SUPV3L1: variants seen among roughly 807,000 people sequenced by gnomAD.
The protein encoded by SUPV3L1 is Suv3 like RNA helicase, also known as ATP-dependent RNA helicase SUPV3L1, mitochondrial.
SUPV3L1 carries 35 observed loss-of-function variants against 70.0 expected under a neutral mutation model. The ratio of observed to expected loss-of-function variants is 0.50; its 90% CI spans 0.38 to 0.66. The LOEUF is 0.66. SUPV3L1 is among the 30% of genes least tolerant of loss of function. The pLI is 0.00. For missense variants in SUPV3L1, 777 were observed against 961.5 expected (o/e 0.81, Z 2.54); for synonymous variants, 364 against 341.9 (o/e 1.06, Z -0.71).
intron 11 of SUPV3L1, among the ~76,000 whole-genome samples, chr10:69,201,968 G>A (rs1302585992): frequency 1.3e-5 from 2 of 151,872 alleles, no homozygotes; most frequent in East Asian, 1.9e-4. Context: ...AGCCTCCCGA[G>A]TAGCTGGGAT....
intron 13 of SUPV3L1, 93 bp from the exon 14 acceptor site, chr10:69,207,700 G>A: frequency 7.0e-7 from 1 of 1,419,022 alleles, no homozygotes; most frequent in Non-Finnish European, 9.4e-7. Context: ...CAACCACAAT[G>A]TTTTGTTTTG....
intron 6 of SUPV3L1, chr10:69,192,553 A>G (rs181694013): frequency 4.6e-5 from 7 of 152,378 alleles, no homozygotes; most frequent in Admixed American, 1.3e-4. Flanking sequence ...TGAAGTATCT[A>G]TAGCTACATA....
intron 13 of SUPV3L1, 65 bp from the exon 14 acceptor site, chr10:69,207,724 CTCTT>C (rs1488474176): frequency 3.3e-6 from 5 of 1,497,688 alleles, no homozygotes; most frequent in Admixed American, 2.6e-5. Flanking sequence ...TCTTTTTTTT[CTCTT>C]TCTAATTATA....
chr10:69,196,305 A>G (rs1376181425), intron 7 of SUPV3L1, among the ~76,000 whole-genome samples: 1 of 152,184 alleles, frequency 6.6e-6, no homozygotes, highest in Non-Finnish European at 1.5e-5. Context: ...CAGCTTGGCC[A>G]ACATGGCGAA....
At chr10:69,190,440 T>C (rs1274239295) in intron 5 of SUPV3L1, among the ~76,000 whole-genome samples, 4 of 149,068 alleles carry the variant, frequency 2.7e-5, no homozygotes, top group African/African-American at 9.7e-5. Flanking sequence ...TTTTTTTTTT[T>C]CTGAACAGTT....
rs553468452 is a variant in SUPV3L1 at position 69,197,069 on chromosome 10, G to T, written c.1009G>T (p.Gly337Trp). Residue 337 changes from glycine to tryptophan, a missense_variant, in exon 8 of 15, where the codon GGG (glycine) becomes TGG (tryptophan). This residue lies in a region of SUPV3L1 where 619 missense variants were observed against 823.3 expected (regional missense o/e 0.75). Transcript: ENST00000359655. ...DLVMELMYTT[G>W]EEVEVRDYKR... Reference sequence around the variant, plus strand: ...GGTGATGGAGCTTATGTACACAACGGGGGAGGAAGTGGAGGTATTCGATTA... The same window carrying T: ...GGTGATGGAGCTTATGTACACAACGTGGGAGGAAGTGGAGGTATTCGATTA... 6.2e-7 allele frequency: 1 copy of T among 1,614,114 alleles called. No individual in the cohort carries two copies. Among genetic ancestry groups the T allele is most frequent in the East Asian group, 2.2e-5 (1 of 44,880 alleles).
intron 1 of SUPV3L1, 68 bp downstream of exon 1, chr10:69,180,630 GCT>G: frequency 6.3e-7 from 1 of 1,576,100 alleles, no homozygotes; most frequent in Admixed American, 1.8e-5. Context: ...TTGGGAGGAA[GCT>G]ACATCCCCTT....
At chr10:69,182,423 T>G (rs563656299) in intron 1 of SUPV3L1, 12 of 730,154 alleles carry the variant, frequency 1.6e-5, no homozygotes, top group Non-Finnish European at 2.0e-5. Flanking sequence ...AAAGAACAAT[T>G]TTCCATTATT....
chr10:69,198,586 A>C, intron 9 of SUPV3L1, 34 bp downstream of exon 9: 1 of 1,595,966 alleles, frequency 6.3e-7, no homozygotes, highest in Non-Finnish European at 8.6e-7. Flanking sequence ...CAAGATATGA[A>C]ATCTCCTATC....
intron 11 of SUPV3L1, 140 bp from the exon 12 acceptor site, chr10:69,202,299 T>C (rs1247015012): frequency 3.4e-6 from 2 of 584,024 alleles, no homozygotes. Flanking sequence ...ATTTTTTCTC[T>C]TTTACTCAAA....
At chr10:69,203,538 C>T (rs1204278255) in intron 13 of SUPV3L1, among the ~76,000 whole-genome samples, 2 of 151,484 alleles carry the variant, frequency 1.3e-5, no homozygotes, top group African/African-American at 2.4e-5. Flanking sequence ...GTGGTGGGCA[C>T]CTGTAATCCC....
intron 1 of SUPV3L1, 108 bp from the exon 2 acceptor site, chr10:69,185,879 A>G (rs1842211977): frequency 1.2e-5 from 10 of 800,154 alleles, no homozygotes; most frequent in Non-Finnish European, 2.2e-5. Flanking sequence ...AGTTCTTGCA[A>G]CACTCATTAG....
chr10:69,183,810 C>T (rs959622027), intron 1 of SUPV3L1, among the ~76,000 whole-genome samples: 1 of 151,566 alleles, frequency 6.6e-6, no homozygotes, highest in African/African-American at 2.4e-5. Flanking sequence ...CATTTTAGAA[C>T]ATTTTTATCA....
At chr10:69,207,235 A>G (rs1254688591) in intron 13 of SUPV3L1, among the ~76,000 whole-genome samples, 8 of 152,028 alleles carry the variant, frequency 5.3e-5, no homozygotes, top group Non-Finnish European at 2.9e-5. Context: ...TGGAGCAGGG[A>G]TACCCTATAG....
At position 69,180,629 on chromosome 10, in the gene SUPV3L1, A is replaced by G. The variant is rs1233673184; in HGVS notation, c.271+67A>G. The G allele has an allele frequency of 1.6e-5, 26 of 1,579,774 alleles. No homozygotes were observed. In the Admixed American group the frequency reaches 4.0e-4, roughly 24 times the overall value. On this transcript the variant is annotated intron_variant, in intron 1 of 14. Transcript: ENST00000359655. ...GCTGGGCCGAGGCTGGTTGGGAGGA[A>G]GCTACATCCCCTTCCCCTGGGGATC...
rs1358755524 is a variant in SUPV3L1 at position 69,208,748 on chromosome 10, C to T, written c.2074C>T (p.Pro692Ser). The T allele has an allele frequency of 6.2e-7, 1 of 1,614,040 alleles. No homozygotes were observed. Among genetic ancestry groups the T allele is most frequent in the Non-Finnish European group, 8.5e-7 (1 of 1,180,044 alleles). The stretch of plus-strand genomic sequence containing the variant: ...TAAGCTGTTGAATTTGGAGGGCTTT[C>T]CATCAGGGAGCCAGTCACGATTGTC... ...THKLLNLEGFPSGSQSRLSGT... is the reference protein window; with the variant it reads ...THKLLNLEGFSSGSQSRLSGT... Residue 692 changes from proline (P) to serine (S), a missense_variant, in exon 15 of 15, where the codon CCA (proline) becomes TCA (serine). Around this residue, in one of 2 missense-constraint regions of SUPV3L1, gnomAD observed 619 missense variants for 823.3 expected, o/e 0.75. Coordinates refer to ENST00000359655, the MANE Select transcript of SUPV3L1 (RefSeq NM_003171.5).
intron 13 of SUPV3L1, among the ~76,000 whole-genome samples, chr10:69,205,705 T>C (rs1220088775): frequency 1.3e-5 from 2 of 152,148 alleles, no homozygotes; most frequent in East Asian, 3.9e-4. Context: ...GGCTAATTTT[T>C]TGTATTTTTA....
At chr10:69,197,961 G>A (rs376285126) in intron 8 of SUPV3L1, among the ~76,000 whole-genome samples, 187 of 152,284 alleles carry the variant, frequency 1.2e-3, no homozygotes, top group Middle Eastern at 0.01. Flanking sequence ...TCTGTGTTTT[G>A]CCATTCTTAG....
At chr10:69,201,495 A>T (rs527774695) in intron 11 of SUPV3L1, among the ~76,000 whole-genome samples, 206 of 149,698 alleles carry the variant, frequency 1.4e-3, no homozygotes, top group Middle Eastern at 7.0e-3. Context: ...GAGAAATGAG[A>T]CATGGAAAAT....
Sources: gnomAD v4.1 joint callset for allele counts (sites outside exome capture counted in the v4.1 genomes callset) on GRCh38, gnomAD v4.1.1 for gene constraint, gnomAD v4.1.1 regional missense constraint, MANE v1.5 for transcripts, NCBI Gene and HGNC (gene_info 2026-07-23, HGNC 2026-07-21) for gene names.